SCG5: variants seen among roughly 807,000 people sequenced by gnomAD.
SCG5 encodes neuroendocrine protein 7B2.
A neutral mutation model predicts 25.7 loss-of-function variants in SCG5; 18 were observed. That is an observed-to-expected ratio of 0.70 (90% CI 0.48 to 1.04). The LOEUF (loss-of-function observed/expected upper bound fraction) is 1.04, where lower values mean the gene tolerates loss of function less well. SCG5 is among the 50% of genes least tolerant of loss of function. The pLI, the probability that SCG5 is intolerant of heterozygous loss-of-function variation, is 0.00. For missense variants in SCG5, 206 were observed against 259.8 expected (o/e 0.79, Z 1.42); for synonymous variants, 101 against 91.7 (o/e 1.10, Z -0.58).
chr15:32,692,886 G>A (rs1181757541), intron 5 of SCG5, among the ~76,000 whole-genome samples: 1 of 152,080 alleles, frequency 6.6e-6, no homozygotes, highest in East Asian at 1.9e-4. Context: ...AAACACAGAA[G>A]ACATACAGCA....
chr15:32,673,564 T>TGTGTGTGTGTG (rs2054479718), intron 2 of SCG5, among the ~76,000 whole-genome samples: 2 of 26,008 alleles, frequency 7.7e-5, no homozygotes, highest in Non-Finnish European at 1.5e-4. Flanking sequence ...GTGTGTGTGT[T>TGTGTGTGTGTG]GTGCGGGGGA....
chr15:32,685,954 T>G (rs1228924822), intron 4 of SCG5, among the ~76,000 whole-genome samples: 4 of 152,248 alleles, frequency 2.6e-5, no homozygotes, highest in Non-Finnish European at 1.5e-5. Context: ...CTAAACTCCC[T>G]CCTTTCCTCC....
In SCG5 at chr15:32,679,785, T is replaced by G. The variant is rs1291467260; in HGVS notation, c.246T>G (p.Leu82=). 4 of 1,613,856 alleles carry G rather than the reference T, an allele frequency of 2.5e-6. No individual in the cohort carries two copies. The highest frequency in any genetic ancestry group is 3.3e-5 in the Admixed American group (2 of 59,990). ...TCGCAGGTGGAGCTCATGAAGGACT[T>G]CAGCATTTGGGTCCTTTTGGCAACA... The part of the protein sequence containing the change: ...QSIEGGAHEG[L]QHLGPFGNIP... The change falls in exon 3 of 6, where the codon CTT becomes CTG. Residue 82 remains leucine (L), a synonymous_variant. Coordinates refer to ENST00000300175, the MANE Select transcript of SCG5 (RefSeq NM_001144757.3).
intron 4 of SCG5, among the ~76,000 whole-genome samples, chr15:32,687,146 GA>G (rs2054728597): frequency 6.6e-6 from 1 of 152,164 alleles, no homozygotes; most frequent in South Asian, 2.1e-4. Context: ...TGGGAGGGAT[GA>G]AAACATCTCT....
Position 32,655,095 on chromosome 15 carries a change from TC to T in SCG5, c.226+11278del, listed in dbSNP as rs993560677. Among the ~76,000 whole-genome samples the T allele has an allele frequency of 2.6e-4, 39 of 152,030 alleles. 1 individual carries two copies. The highest frequency in any genetic ancestry group is 1.0e-4 in the Non-Finnish European group (7 of 68,002). On this transcript the variant is annotated intron_variant, in intron 2 of 5. Coordinates refer to ENST00000300175, the MANE Select transcript of SCG5 (RefSeq NM_001144757.3). ...AGGCCGAGGCGGGCGGATCACAGGG[TC>T]AGGAGATCGAGACCATCCTGGCTAA...
chr15:32,689,643 A>T (rs1256471856), intron 4 of SCG5, among the ~76,000 whole-genome samples: 1 of 152,114 alleles, frequency 6.6e-6, no homozygotes, highest in Non-Finnish European at 1.5e-5. Context: ...ATTTCTTTTC[A>T]TTCAATTTGT....
chr15:32,648,867 G>A (rs1171922570), intron 2 of SCG5, among the ~76,000 whole-genome samples: 16 of 151,866 alleles, frequency 1.1e-4, no homozygotes, highest in Admixed American at 1.0e-3. Context: ...CGCCTCCCGG[G>A]TTCTCGCCAT....
chr15:32,655,041 G>A (rs1329316629), intron 2 of SCG5, among the ~76,000 whole-genome samples: 1 of 152,206 alleles, frequency 6.6e-6, no homozygotes, highest in East Asian at 1.9e-4. Flanking sequence ...GGGCATGGTA[G>A]CTCATGCCTG....
chr15:32,688,653 G>A (rs1195467339), intron 4 of SCG5, among the ~76,000 whole-genome samples: 2 of 152,158 alleles, frequency 1.3e-5, no homozygotes, highest in Admixed American at 6.5e-5. Flanking sequence ...TTTCTCTGGT[G>A]TAAAATTCCC....
intron 5 of SCG5, chr15:32,692,131 G>C: frequency 9.2e-7 from 1 of 1,086,172 alleles, no homozygotes; most frequent in Non-Finnish European, 1.1e-6. Context: ...TCACACATCT[G>C]CATCAATTCT....
chr15:32,671,032 A>ATACAGTC (rs1232038905), intron 2 of SCG5, among the ~76,000 whole-genome samples: 1 of 152,190 alleles, frequency 6.6e-6, no homozygotes, highest in African/African-American at 2.4e-5. Context: ...AGCATTTTAC[A>ATACAGTC]TACAGTATCC....
chr15:32,651,284 A>G (rs139369574), intron 2 of SCG5, among the ~76,000 whole-genome samples: 6 of 152,374 alleles, frequency 3.9e-5, no homozygotes, highest in African/African-American at 1.4e-4. Flanking sequence ...TAGAGACCCA[A>G]GGTTATTTTC....
At chr15:32,660,059 A>G (rs1459542526) in intron 2 of SCG5, among the ~76,000 whole-genome samples, 3 of 152,224 alleles carry the variant, frequency 2.0e-5, no homozygotes, top group Admixed American at 6.5e-5. Flanking sequence ...TAAATGATAC[A>G]TAATACTAAT....
chr15:32,690,249 G>A (rs2054824145), intron 4 of SCG5, among the ~76,000 whole-genome samples: 1 of 152,160 alleles, frequency 6.6e-6, no homozygotes, highest in South Asian at 2.1e-4. Flanking sequence ...CCCACCCCAT[G>A]GTAGTAGCTC....
intron 3 of SCG5, chr15:32,684,342 G>C: frequency 2.0e-6 from 1 of 506,024 alleles, no homozygotes; most frequent in Non-Finnish European, 3.5e-6. Context: ...AGTGGGTTTG[G>C]TGAACAGCCA....
chr15:32,658,081 C>T (rs1567073848), intron 2 of SCG5, among the ~76,000 whole-genome samples: 1 of 152,060 alleles, frequency 6.6e-6, no homozygotes, highest in South Asian at 2.1e-4. Flanking sequence ...TTAGGAGTAA[C>T]GAAGTGTTTT....
intron 2 of SCG5, among the ~76,000 whole-genome samples, chr15:32,661,962 C>T (rs1385830117): frequency 6.6e-6 from 1 of 152,114 alleles, no homozygotes; most frequent in Non-Finnish European, 1.5e-5. Context: ...TAAAATCATA[C>T]AGTAAATCTT....
At chr15:32,653,729 A>C (rs1051186926) in intron 2 of SCG5, among the ~76,000 whole-genome samples, 14 of 152,354 alleles carry the variant, frequency 9.2e-5, no homozygotes, top group Admixed American at 9.1e-4. Flanking sequence ...TTCAGTGATT[A>C]GATGAAGTCC....
intron 2 of SCG5, among the ~76,000 whole-genome samples, chr15:32,663,066 TATATATATATATAA>T (rs1241536282): frequency 3.9e-5 from 2 of 50,858 alleles, no homozygotes; most frequent in African/African-American, 1.3e-4. Flanking sequence ...TATATATATA[TATATATATATATAA>T]TATATAATAT....
Sources: allele counts gnomAD v4.1 joint callset (sites outside exome capture counted in the v4.1 genomes callset), GRCh38; gene constraint gnomAD v4.1.1; transcripts MANE v1.5; gene names NCBI Gene and HGNC (gene_info 2026-07-23, HGNC 2026-07-21).